NINL: variants seen among roughly 807,000 people sequenced by gnomAD.
The protein encoded by NINL is ninein-like protein.
Under a neutral mutation model 160.3 loss-of-function variants are expected in NINL, and 153 were observed. The observed-to-expected ratio is 0.95, with a 90% CI of 0.84 to 1.09. NINL has a LOEUF of 1.09. NINL is among the 50% of genes least tolerant of loss of function. The pLI is 0.00. For missense variants in NINL, 1,829 were observed against 1,764.0 expected (o/e 1.04, Z -0.66); for synonymous variants, 800 against 734.8 (o/e 1.09, Z -1.43).
intron 1 of NINL, among the ~76,000 whole-genome samples, chr20:25,537,378 G>A (rs1424467342): frequency 1.3e-5 from 2 of 152,146 alleles, no homozygotes; most frequent in South Asian, 4.1e-4. Context: ...CCACCACATC[G>A]GCCTGAATGT....
At position 25,479,099 on chromosome 20, in the gene NINL, C is replaced by G. The variant is rs771933288; in HGVS notation, c.2025G>C (p.Gln675His). Reference protein sequence around the residue: ...RRREVSVLEGQKADLEELHEK... With the variant: ...RRREVSVLEGHKADLEELHEK... ...CGTGGAGCTCCTCCAGGTCGGCCTT[C>G]TGACCCTCCAGCACGCTGACCTCGC... The change falls in exon 16 of 24, where the codon CAG (glutamine) becomes CAC (histidine). Residue 675 changes from glutamine to histidine, a missense_variant. Transcript: ENST00000278886. The G allele has an allele frequency of 6.6e-5, 106 of 1,613,612 alleles. No individual in the cohort carries two copies. The Admixed American group carries it at 1.7e-3, about 27-fold the overall frequency.
At chr20:25,561,182 G>A (rs6050681) in intron 1 of NINL, among the ~76,000 whole-genome samples, 4,885 of 152,212 alleles carry the variant, frequency 0.032, 215 homozygotes, top group African/African-American at 0.098. Context: ...GATTGCAGGC[G>A]CGCGCCGCCA....
At chr20:25,509,581 T>C (rs2064029910) in intron 5 of NINL, 1 of 447,476 alleles carries the variant, frequency 2.2e-6, no homozygotes, top group African/African-American at 2.0e-5. Flanking sequence ...CCAAGCCTGC[T>C]GCAAGGGTTA....
chr20:25,513,124 G>A lies in NINL; in HGVS notation c.278-118C>T, dbSNP rs141920456. On this transcript the variant is annotated intron_variant, in intron 3 of 23. Transcript: ENST00000278886. ...AGCACCGAGTGTGCCCCTCAAACAC[G>A]TACTGCTCTGCACACAGAAGCATCT... is the stretch of plus-strand genomic sequence containing the variant. 11 of 961,154 alleles carry A rather than the reference G, an allele frequency of 1.1e-5. 1 individual carries two copies. The highest frequency in any genetic ancestry group is 6.7e-5 in the South Asian group (4 of 59,966). 59.5% of individuals were successfully genotyped at this position (961,154 alleles called of 1,614,324 possible).
At chr20:25,460,272 G>A (rs777623960) in intron 21 of NINL, among the ~76,000 whole-genome samples, 9 of 152,174 alleles carry the variant, frequency 5.9e-5, no homozygotes, top group Non-Finnish European at 7.3e-5. Context: ...AGTGTCCTGA[G>A]CTACCCTGGA....
Position 25,476,444 on chromosome 20 carries a change from G to T in NINL, c.2847C>A (p.Asp949Glu), listed in dbSNP as rs1568869726. 6 of 1,608,428 alleles carry T rather than the reference G, an allele frequency of 3.7e-6. No homozygotes were observed. Among genetic ancestry groups the T allele is most frequent in the Non-Finnish European group, 4.2e-6 (5 of 1,179,796 alleles). ...ACATCCGTGGCTGGGTTTGCGAGGCGTCTCTCTCTGTTCCCAGCAGAGGCA... is the reference window on the plus strand; with the variant it reads ...ACATCCGTGGCTGGGTTTGCGAGGCTTCTCTCTCTGTTCCCAGCAGAGGCA... ...RELPLLGTER[D>E]ASQTQPRMWE... Residue 949 changes from aspartate to glutamate, a missense_variant, in exon 17 of 24, where the codon GAC (aspartate) becomes GAA (glutamate). By Grantham distance (45) the Asp-to-Glu change is conservative (BLOSUM62 2). Coordinates refer to ENST00000278886, the MANE Select transcript of NINL (RefSeq NM_025176.6).
At chr20:25,533,980 C>T (rs1404492334) in intron 1 of NINL, among the ~76,000 whole-genome samples, 3 of 152,168 alleles carry the variant, frequency 2.0e-5, no homozygotes, top group Non-Finnish European at 2.9e-5. Flanking sequence ...AAGGGGACTA[C>T]ATCAAACTTG....
At chr20:25,528,459 TA>T (rs2064395827) in intron 1 of NINL, among the ~76,000 whole-genome samples, 1 of 152,172 alleles carries the variant, frequency 6.6e-6, no homozygotes, top group Admixed American at 6.5e-5. Flanking sequence ...TTATGCCTTA[TA>T]ACAATTCTAC....
At chr20:25,535,198 T>G (rs901489168) in intron 1 of NINL, among the ~76,000 whole-genome samples, 1 of 152,118 alleles carries the variant, frequency 6.6e-6, no homozygotes, top group East Asian at 1.9e-4. Context: ...CTTACTCAGA[T>G]GTGGATTCTA....
At chr20:25,487,413 T>C (rs2063524964) in intron 13 of NINL, among the ~76,000 whole-genome samples, 1 of 152,204 alleles carries the variant, frequency 6.6e-6, no homozygotes, top group African/African-American at 2.4e-5. Flanking sequence ...CCTAAAATCA[T>C]CCACTTCCAT....
intron 1 of NINL, among the ~76,000 whole-genome samples, chr20:25,584,222 G>A (rs757115284): frequency 6.6e-6 from 1 of 152,186 alleles, no homozygotes; most frequent in African/African-American, 2.4e-5. Flanking sequence ...TGTAATCCCA[G>A]AACTTTGGGA....
intron 1 of NINL, among the ~76,000 whole-genome samples, chr20:25,545,947 G>A (rs1330955228): frequency 1.3e-5 from 2 of 151,246 alleles, no homozygotes; most frequent in African/African-American, 4.8e-5. Flanking sequence ...TGAGAACCCT[G>A]GTCTCCACAA....
intron 18 of NINL, among the ~76,000 whole-genome samples, chr20:25,469,448 CCT>C (rs1459618072): frequency 1.3e-5 from 2 of 149,386 alleles, no homozygotes; most frequent in African/African-American, 4.9e-5. Flanking sequence ...TGCCCTGTCC[CCT>C]GACTCTCACT....
chr20:25,463,881 C>G (rs753300702), intron 19 of NINL, among the ~76,000 whole-genome samples: 3 of 152,200 alleles, frequency 2.0e-5, no homozygotes, highest in Non-Finnish European at 4.4e-5. Flanking sequence ...TCCCTAGAAC[C>G]TCAAGCCTCA....
chr20:25,475,984 G>A, intron 17 of NINL, 59 bp downstream of exon 17: 2 of 1,536,698 alleles, frequency 1.3e-6, no homozygotes, highest in Non-Finnish European at 1.8e-6. Context: ...GGGGTCAGTG[G>A]GTTAGTTCTG....
chr20:25,511,331 T>C (rs1376075794), intron 4 of NINL, among the ~76,000 whole-genome samples: 2 of 152,180 alleles, frequency 1.3e-5, no homozygotes, highest in African/African-American at 4.8e-5. Flanking sequence ...TTTGCAAATC[T>C]GTACCCAAGA....
chr20:25,520,017 A>T (rs1362565302), intron 2 of NINL, among the ~76,000 whole-genome samples: 1 of 132,428 alleles, frequency 7.6e-6, no homozygotes, highest in Non-Finnish European at 1.6e-5. Context: ...AAAAAAAAAA[A>T]AGGCCAGAGA....
chr20:25,545,238 A>G (rs1398056719), intron 1 of NINL, among the ~76,000 whole-genome samples: 1 of 152,210 alleles, frequency 6.6e-6, no homozygotes, highest in Non-Finnish European at 1.5e-5. Flanking sequence ...TACGTAAGAT[A>G]AGGTGAACAT....
chr20:25,554,936 A>G (rs188973448), intron 1 of NINL, among the ~76,000 whole-genome samples: 1 of 152,314 alleles, frequency 6.6e-6, no homozygotes, highest in African/African-American at 2.4e-5. Context: ...ACGGGCCTGA[A>G]TATCTTGATT....
Sources: gnomAD v4.1 joint callset for allele counts (sites outside exome capture counted in the v4.1 genomes callset) on GRCh38, gnomAD v4.1.1 for gene constraint, MANE v1.5 for transcripts, NCBI Gene and HGNC (gene_info 2026-07-23, HGNC 2026-07-21) for gene names.